Variants in PWWP2B observed in about 807,000 individuals in gnomAD.
PWWP2B encodes PWWP domain containing 2B, also known as PWWP domain-containing protein 2B.
Under a neutral mutation model 15.5 loss-of-function variants are expected in PWWP2B, and 9 were observed. The observed-to-expected ratio is 0.58, with a 90% CI of 0.35 to 1.02. PWWP2B has a LOEUF of 1.02. PWWP2B is among the 50% of genes least tolerant of loss of function. The pLI, the probability that PWWP2B is intolerant of heterozygous loss-of-function variation, is 0.02. For missense variants in PWWP2B, 864 were observed against 865.3 expected (o/e 1.00, Z 0.02); for synonymous variants, 474 against 403.6 (o/e 1.17, Z -2.09).
intron 2 of PWWP2B, among the ~76,000 whole-genome samples, chr10:132,411,154 T>C (rs1297997861): frequency 6.6e-6 from 1 of 152,200 alleles, no homozygotes; most frequent in East Asian, 1.9e-4. Context: ...CGAGCAGGGC[T>C]GTGCGCCTTC....
In PWWP2B at chr10:132,404,750, TC is replaced by T. The variant is rs1234606471; in HGVS notation, c.257del (p.Pro86LeufsTer100). 9.4e-6 allele frequency: 15 copies of T among 1,591,984 alleles called. No homozygotes were observed. The highest frequency in any genetic ancestry group is 2.7e-5 in the African/African-American group (2 of 73,632). ...DAEVMQLGSS[S>X]PPPARGVQPP... The stretch of plus-strand genomic sequence containing the variant: ...AGAGGTGATGCAGCTGGGGTCCAGC[TC>T]CCCCCCTCCTGCCCGCGGGGTTCAG... On this transcript the variant is annotated frameshift_variant, in exon 2 of 3. Transcript: ENST00000305233. LOFTEE classifies it high-confidence loss of function.
rs567989443 is a variant in PWWP2B, at chr10:132,404,321, TG to T, written c.126-301del. On this transcript the variant is annotated intron_variant, in intron 1 of 2. Transcript: ENST00000305233. ...TTCCTGCTGGGGTCCACATGTCCCC[TG>T]GGGCCATGGACTGAGATTCGGAGCC... 3.3e-5 allele frequency among the ~76,000 whole-genome samples: 5 copies of T among 152,172 alleles called. No individual in the cohort carries two copies. In the East Asian group the frequency reaches 9.7e-4, roughly 30 times the overall value.
At chr10:132,402,756 C>A (rs913469432) in intron 1 of PWWP2B, among the ~76,000 whole-genome samples, 3 of 152,270 alleles carry the variant, frequency 2.0e-5, no homozygotes, top group Non-Finnish European at 2.9e-5. Flanking sequence ...TCATCTTCCA[C>A]AGCTTAACTC....
At chr10:132,411,159 G>C (rs1046359335) in intron 2 of PWWP2B, among the ~76,000 whole-genome samples, 2 of 152,154 alleles carry the variant, frequency 1.3e-5, no homozygotes, top group African/African-American at 4.8e-5. Context: ...AGGGCTGTGC[G>C]CCTTCAGCTC....
At chr10:132,400,596 C>T (rs1471695770) in intron 1 of PWWP2B, among the ~76,000 whole-genome samples, 1 of 152,156 alleles carries the variant, frequency 6.6e-6, no homozygotes, top group Non-Finnish European at 1.5e-5. Context: ...AGAGAGTTGG[C>T]CTGGGGAGAC....
chr10:132,415,883 G>T (rs1399059780), intron 2 of PWWP2B, among the ~76,000 whole-genome samples: 1 of 152,048 alleles, frequency 6.6e-6, no homozygotes, highest in Non-Finnish European at 1.5e-5. Context: ...TCTTCAAATT[G>T]TTTACAGTGT....
Position 132,406,068 on chromosome 10 carries a change from G to A in PWWP2B, c.1568G>A (p.Trp523Ter). ...CAGAAGGAGGACGGAGAGCCGTCTT[G>A]GCGAGAAGCGAAGGTCTCGTGGTTT... ...LGQKEDGEPS[W>*]REAKVSWFGS... is the part of the protein sequence containing the mutation. The change falls in exon 2 of 3, where the codon TGG becomes TAG. Residue 523 changes from tryptophan (W) to a stop codon, truncating the protein, a stop_gained. Coordinates refer to ENST00000305233, the MANE Select transcript of PWWP2B (RefSeq NM_138499.4). LOFTEE classifies it low-confidence loss of function (END_TRUNC). 2 of 1,613,644 alleles carry A rather than the reference G, an allele frequency of 1.2e-6. No homozygotes were observed. Among genetic ancestry groups the A allele is most frequent in the Non-Finnish European group, 1.7e-6 (2 of 1,179,822 alleles).
chr10:132,404,816 GT>G lies in PWWP2B; in HGVS notation c.317del (p.Val106GlyfsTer80). 1.3e-6 allele frequency: 1 copy of G among 781,666 alleles called. No individual in the cohort carries two copies. Among genetic ancestry groups the G allele is most frequent in the Non-Finnish European group, 1.8e-6 (1 of 554,826 alleles). 48.4% of individuals were successfully genotyped at this position (781,666 alleles called of 1,614,324 possible). A position where few individuals can be genotyped will look rare whatever the true frequency, so the allele number is the denominator to read the frequency against. On this transcript the variant is annotated frameshift_variant, in exon 2 of 3. Transcript: ENST00000305233. LOFTEE classifies it high-confidence loss of function. ...CCGCCCCGAGCCACCCCCGCCCCTCGTGCCGCCGCTGCCCGCCGGAAGCCTG... is the reference window on the plus strand; with the variant it reads ...CCGCCCCGAGCCACCCCCGCCCCTCGGCCGCCGCTGCCCGCCGGAAGCCTG... ...TTRPEPPPPLVPPLPAGSLPP... is the reference protein window; with the variant it reads ...TTRPEPPPPLXPPLPAGSLPP...
At chr10:132,416,798 C>T (rs1450953136) in intron 2 of PWWP2B, among the ~76,000 whole-genome samples, 1 of 152,090 alleles carries the variant, frequency 6.6e-6, no homozygotes, top group African/African-American at 2.4e-5. Flanking sequence ...TTCTCCGTGG[C>T]CCTGCGTGTA....
Position 132,405,025 on chromosome 10 carries a change from G to A in PWWP2B, c.525G>A (p.Gln175=), listed in dbSNP as rs745510753. 3.3e-5 allele frequency: 50 copies of A among 1,528,464 alleles called. 1 individual carries two copies. In the South Asian group the frequency reaches 3.3e-4, roughly 10 times the overall value. 94.7% of individuals were successfully genotyped at this position (1,528,464 alleles called of 1,614,324 possible). Residue 175 remains glutamine (Q), a synonymous_variant, in exon 2 of 3, where the codon CAG becomes CAA. Transcript: ENST00000305233. ...GCACCATCCGCCTGCGGCCGCGCCA[G>A]GTGCTCTGTGAGAAGTGCAAGAGCA... ...ILSTIRLRPR[Q]VLCEKCKSTL... is the part of the protein sequence containing the mutation.
intron 1 of PWWP2B, among the ~76,000 whole-genome samples, chr10:132,399,923 C>T (rs1303455811): frequency 6.6e-6 from 1 of 152,214 alleles, no homozygotes; most frequent in African/African-American, 2.4e-5. Flanking sequence ...TATCGGCCTC[C>T]CCCAGTTGTG....
intron 2 of PWWP2B, 137 bp from the exon 3 acceptor site, chr10:132,416,924 G>A: frequency 1.2e-6 from 1 of 852,756 alleles, no homozygotes; most frequent in East Asian, 2.4e-5. Context: ...GGGCCGGCAG[G>A]AGCTGGGGGG....
intron 2 of PWWP2B, among the ~76,000 whole-genome samples, chr10:132,411,240 C>T (rs969823511): frequency 3.9e-5 from 6 of 152,246 alleles, no homozygotes; most frequent in African/African-American, 1.4e-4. Flanking sequence ...CACGTCGCCC[C>T]AGGCTCTGCC....
At position 132,405,078 on chromosome 10, in the gene PWWP2B, G is replaced by C; in HGVS notation, c.578G>C (p.Gly193Ala). ...CTGAGCCCCCCGGAGGCCAGCCCCGGACCCCCAGCCGCGCCCAGGGCCCGC... is the reference window on the plus strand; with the variant it reads ...CTGAGCCCCCCGGAGGCCAGCCCCGCACCCCCAGCCGCGCCCAGGGCCCGC... ...STLSPPEASPGPPAAPRARRR... is the reference protein window; with the variant it reads ...STLSPPEASPAPPAAPRARRR... The change falls in exon 2 of 3, where the codon GGA (glycine) becomes GCA (alanine). Residue 193 changes from glycine (G) to alanine (A), a missense_variant. Coordinates refer to ENST00000305233, the MANE Select transcript of PWWP2B (RefSeq NM_138499.4). 1 of 1,527,854 alleles carries C rather than the reference G, an allele frequency of 6.5e-7. No homozygotes were observed. Among genetic ancestry groups the C allele is most frequent in the Non-Finnish European group, 8.8e-7 (1 of 1,139,308 alleles). 94.6% of individuals were successfully genotyped at this position (1,527,854 alleles called of 1,614,324 possible).
chr10:132,417,222 C>A lies in PWWP2B; in HGVS notation c.*178C>A. 2 of 868,634 alleles carry A rather than the reference C, an allele frequency of 2.3e-6. No individual in the cohort carries two copies. The highest frequency in any genetic ancestry group is 3.8e-6 in the Non-Finnish European group (2 of 529,880). The allele number at this position is 868,634 out of a possible 1,614,324, so 53.8% of individuals were successfully genotyped here. On this transcript the variant is annotated 3_prime_UTR_variant, in exon 3 of 3. Transcript: ENST00000305233. Reference sequence around the variant, plus strand: ...GGCAGTGTGTCCAGGGAGGGGATGGCCCTGAGCCCAGCGGCTCCTCCCGCT... The same window carrying A: ...GGCAGTGTGTCCAGGGAGGGGATGGACCTGAGCCCAGCGGCTCCTCCCGCT...
intron 2 of PWWP2B, 51 bp downstream of exon 2, chr10:132,406,340 C>T: frequency 1.4e-6 from 2 of 1,456,482 alleles, no homozygotes; most frequent in Non-Finnish European, 9.3e-7. Context: ...AAGCTCACAC[C>T]TGTGTCCAGG....
rs771798436 is a variant in PWWP2B, at chr10:132,417,102, G to C, written c.*58G>C. On this transcript the variant is annotated 3_prime_UTR_variant, in exon 3 of 3. Transcript: ENST00000305233. ...GCGCACCTGCTGTCCTGGAGCTTCC[G>C]ATCTCTGTTCGGGGACCCTGTGAGC... 2.5e-6 allele frequency: 4 copies of C among 1,613,540 alleles called. No homozygotes were observed. The highest frequency in any genetic ancestry group is 1.7e-5 in the Admixed American group (1 of 59,998).
intron 1 of PWWP2B, among the ~76,000 whole-genome samples, chr10:132,399,973 A>G (rs1057226404): frequency 1.3e-5 from 2 of 152,178 alleles, no homozygotes; most frequent in Non-Finnish European, 2.9e-5. Flanking sequence ...TGGAAAGGTC[A>G]GGGGACTGTC....
At chr10:132,417,006 G>C (rs2069867405) in intron 2 of PWWP2B, 55 bp from the exon 3 acceptor site, 1 of 1,605,120 alleles carries the variant, frequency 6.2e-7, no homozygotes, top group East Asian at 2.2e-5. Flanking sequence ...TGAGGGGCTG[G>C]TCCCCCATAC....
Sources: allele counts gnomAD v4.1 joint callset (sites outside exome capture counted in the v4.1 genomes callset), GRCh38; gene constraint gnomAD v4.1.1; transcripts MANE v1.5; gene names NCBI Gene and HGNC (gene_info 2026-07-23, HGNC 2026-07-21).